ANKRD55: variants seen among roughly 807,000 people sequenced by gnomAD.
ANKRD55 encodes the protein ankyrin repeat domain 55.
A neutral mutation model predicts 60.6 loss-of-function variants in ANKRD55; 41 were observed. The observed-to-expected ratio is 0.68, with a 90% CI of 0.53 to 0.88. The LOEUF (loss-of-function observed/expected upper bound fraction) is 0.88. ANKRD55 is among the 40% of genes least tolerant of loss of function. The pLI, the probability that ANKRD55 is intolerant of heterozygous loss-of-function variation, is 0.00. For synonymous variants in ANKRD55, 264 were observed against 290.3 expected, an observed-to-expected ratio of 0.91 and a Z score of 0.92; for missense variants, 732 against 767.6, an observed-to-expected ratio of 0.95 and a Z score of 0.55.
At chr5:56,170,945 C>A in intron 4 of ANKRD55, 142 bp from the exon 5 acceptor site, 1 of 704,960 alleles carries the variant, frequency 1.4e-6, no homozygotes. Context: ...AGAACCACAA[C>A]TCCATCTTAG....
intron 2 of ANKRD55, chr5:56,192,749 G>A: frequency 7.8e-7 from 1 of 1,284,160 alleles, no homozygotes; most frequent in Non-Finnish European, 1.1e-6. Context: ...CTTCAATGCA[G>A]ATTCTAGCCA....
chr5:56,173,582 C>CTCTCTCTATATATA (rs1484157730), intron 4 of ANKRD55, among the ~76,000 whole-genome samples: 1 of 45,240 alleles, frequency 2.2e-5, no homozygotes, highest in Non-Finnish European at 3.8e-5. Flanking sequence ...CTCTCTCTCT[C>CTCTCTCTATATATA]TATATATATA....
At chr5:56,128,314 G>T (rs1580962089) in intron 7 of ANKRD55, among the ~76,000 whole-genome samples, 3 of 152,134 alleles carry the variant, frequency 2.0e-5, no homozygotes, top group Non-Finnish European at 4.4e-5. Flanking sequence ...TGCAGATGGA[G>T]AAAACAAAAC....
chr5:56,152,553 G>A (rs1170032127), intron 6 of ANKRD55, among the ~76,000 whole-genome samples: 2 of 152,190 alleles, frequency 1.3e-5, no homozygotes, highest in Non-Finnish European at 2.9e-5. Context: ...AGGCTAAAAT[G>A]AGAGCAGGAG....
Position 56,230,015 on chromosome 5 carries a change from G to C in ANKRD55, c.58+2841C>G, listed in dbSNP as rs3890071. 9.7e-3 allele frequency among the ~76,000 whole-genome samples: 1,480 copies of C among 152,282 alleles called. 39 individuals are homozygous for C. Among genetic ancestry groups the C allele is most frequent in the African/African-American group, 0.033 (1,366 of 41,560 alleles). On this transcript the variant is annotated intron_variant, in intron 2 of 11. Transcript: ENST00000341048. The stretch of plus-strand genomic sequence containing the variant: ...CCATGAGAACTTCCCAAGGAGTGTT[G>C]GTTGGGCCAACCACTGCAGTTAAAC...
chr5:56,132,031 A>G (rs767476717), intron 7 of ANKRD55, among the ~76,000 whole-genome samples: 2 of 151,864 alleles, frequency 1.3e-5, no homozygotes, highest in Non-Finnish European at 2.9e-5. Flanking sequence ...ATATACATAT[A>G]TATAAGCTTA....
chr5:56,162,402 C>T (rs941121411), intron 5 of ANKRD55, among the ~76,000 whole-genome samples: 2 of 152,086 alleles, frequency 1.3e-5, no homozygotes, highest in African/African-American at 2.4e-5. Context: ...CGGGTTTTGC[C>T]GATGGGGGAA....
rs1237305679 is a variant in ANKRD55, at chr5:56,099,864, A to C, written c.*319T>G. The C allele has an allele frequency of 5.3e-6, 1 of 189,100 alleles. No individual in the cohort carries two copies. Among genetic ancestry groups the C allele is most frequent in the African/African-American group, 2.3e-5 (1 of 42,672 alleles). 11.7% of individuals were successfully genotyped at this position (189,100 alleles called of 1,614,324 possible). On this transcript the variant is annotated 3_prime_UTR_variant, in exon 12 of 12. Coordinates refer to ENST00000341048, the MANE Select transcript of ANKRD55 (RefSeq NM_024669.3). Reference sequence around the variant, plus strand: ...CATTCAGCAAAAAAACAACCAAAGAACAATAACAAAAAAACAGTGCACATG... The same window carrying C: ...CATTCAGCAAAAAAACAACCAAAGACCAATAACAAAAAAACAGTGCACATG...
chr5:56,219,331 A>G (rs530155107), intron 2 of ANKRD55, among the ~76,000 whole-genome samples: 2 of 152,048 alleles, frequency 1.3e-5, no homozygotes, highest in African/African-American at 4.8e-5. Flanking sequence ...TGAATATTAT[A>G]TGCATGTATC....
intron 7 of ANKRD55, among the ~76,000 whole-genome samples, chr5:56,133,313 C>A (rs1277728695): frequency 6.6e-6 from 1 of 151,820 alleles, no homozygotes; most frequent in Non-Finnish European, 1.5e-5. Flanking sequence ...GTGGTGCATG[C>A]CTGTAATCCC....
chr5:56,231,682 C>T (rs1347337401), intron 2 of ANKRD55, among the ~76,000 whole-genome samples: 2 of 147,846 alleles, frequency 1.4e-5, no homozygotes, highest in East Asian at 1.9e-4. Flanking sequence ...CACACACACA[C>T]ACACACACAC....
intron 2 of ANKRD55, chr5:56,192,681 A>G: frequency 7.9e-7 from 1 of 1,266,042 alleles, no homozygotes. Flanking sequence ...CTTCATAATG[A>G]TCCTCATGCG....
intron 8 of ANKRD55, among the ~76,000 whole-genome samples, chr5:56,126,409 C>CT (rs1218677194): frequency 6.6e-6 from 1 of 152,120 alleles, no homozygotes; most frequent in African/African-American, 2.4e-5. Flanking sequence ...TGACAGAAGT[C>CT]TTTTTACCTT....
Position 56,111,398 on chromosome 5 carries a change from G to A in ANKRD55, c.1350C>T (p.Ser450=). 6.2e-7 allele frequency: 1 copy of A among 1,614,182 alleles called. No individual in the cohort carries two copies. Among genetic ancestry groups the A allele is most frequent in the Non-Finnish European group, 8.5e-7 (1 of 1,180,052 alleles). Residue 450 remains serine (S), a synonymous_variant, in exon 10 of 12, where the codon TCC becomes TCT. Coordinates refer to ENST00000341048, the MANE Select transcript of ANKRD55 (RefSeq NM_024669.3). ...ITLGNNFLTA[S]HRATSHAGLS... ...GGCCTGCATGGGAAGTGGCCCTATGGGAGGCTGTTAGGAAGTTATTGCCCA... is the reference window on the plus strand; with the variant it reads ...GGCCTGCATGGGAAGTGGCCCTATGAGAGGCTGTTAGGAAGTTATTGCCCA...
chr5:56,218,925 G>T (rs1759891349), intron 2 of ANKRD55, among the ~76,000 whole-genome samples: 1 of 152,022 alleles, frequency 6.6e-6, no homozygotes, highest in South Asian at 2.1e-4. Flanking sequence ...GCATACAAGT[G>T]TTTTTTTATA....
chr5:56,150,583 G>A (rs1333391056), intron 6 of ANKRD55, among the ~76,000 whole-genome samples: 2 of 151,990 alleles, frequency 1.3e-5, no homozygotes, highest in Non-Finnish European at 2.9e-5. Context: ...TGGCCTCACA[G>A]AGTGAGACCC....
At chr5:56,192,663 C>G (rs1038614903) in intron 2 of ANKRD55, 27 of 1,096,764 alleles carry the variant, frequency 2.5e-5, no homozygotes, top group Non-Finnish European at 3.4e-5. Context: ...GACACCCAGA[C>G]TAATGTTCTT....
chr5:56,137,477 G>GA (rs1757637978), intron 7 of ANKRD55: 1 of 804,458 alleles, frequency 1.2e-6, no homozygotes, highest in Admixed American at 1.7e-5. Flanking sequence ...TTGCCCAGAA[G>GA]AAAAAGATAT....
chr5:56,122,915 A>AGT (rs1757116133), intron 8 of ANKRD55, among the ~76,000 whole-genome samples: 1 of 151,456 alleles, frequency 6.6e-6, no homozygotes, highest in Admixed American at 6.6e-5. Flanking sequence ...ACAGGCATGT[A>AGT]CCACTATGTC....
Sources: gnomAD v4.1 joint callset for allele counts (sites outside exome capture counted in the v4.1 genomes callset) on GRCh38, gnomAD v4.1.1 for gene constraint, MANE v1.5 for transcripts, NCBI Gene and HGNC (gene_info 2026-07-23, HGNC 2026-07-21) for gene names.